PLEK: variants seen among roughly 807,000 people sequenced by gnomAD.
The protein encoded by PLEK is pleckstrin, also known as platelet 47 kDa protein.
In PLEK, 25 loss-of-function variants were observed where a neutral mutation model predicts 43.9. That is an observed-to-expected ratio of 0.57 (90% CI 0.41 to 0.79). The LOEUF (loss-of-function observed/expected upper bound fraction) is 0.79. Ranked by LOEUF, PLEK falls within the 30% of genes least tolerant of loss-of-function variation. PLEK has a pLI of 0.00. For missense variants in PLEK, 396 were observed against 413.3 expected (o/e 0.96, Z 0.36); for synonymous variants, 152 against 144.4 (o/e 1.05, Z -0.38).
chr2:68,381,011 C>T (rs1673603145), intron 3 of PLEK, 107 bp downstream of exon 3: 2 of 940,022 alleles, frequency 2.1e-6, no homozygotes, highest in South Asian at 3.1e-5. Flanking sequence ...TGTATCCACT[C>T]TGCCAGGTCA....
intron 8 of PLEK, among the ~76,000 whole-genome samples, chr2:68,395,311 A>C (rs983246245): frequency 6.6e-6 from 1 of 151,796 alleles, no homozygotes; most frequent in African/African-American, 2.4e-5. Flanking sequence ...GATTTATATT[A>C]TGAGCAGAGG....
At chr2:68,380,241 A>G (rs1673585154) in intron 1 of PLEK, 87 bp from the exon 2 acceptor site, 1 of 1,090,382 alleles carries the variant, frequency 9.2e-7, no homozygotes, top group Admixed American at 2.5e-5. Flanking sequence ...AACCAACTGT[A>G]AGTAAATATA....
chr2:68,395,655 T>C, intron 8 of PLEK, 25 bp from the exon 9 acceptor site: 1 of 1,613,896 alleles, frequency 6.2e-7, no homozygotes, highest in South Asian at 1.1e-5. Context: ...CTGTGCGTGC[T>C]GCCATTTGCC....
chr2:68,368,612 T>G (rs1673328962), intron 1 of PLEK, among the ~76,000 whole-genome samples: 1 of 152,232 alleles, frequency 6.6e-6, no homozygotes, highest in Non-Finnish European at 1.5e-5. Flanking sequence ...TCCTTTCCTC[T>G]CTGTTTAGGG....
chr2:68,377,914 G>C (rs115049854), intron 1 of PLEK, among the ~76,000 whole-genome samples: 1 of 152,074 alleles, frequency 6.6e-6, no homozygotes, highest in Admixed American at 6.5e-5. Context: ...AATTACCACC[G>C]TTCATTCCAC....
chr2:68,369,528 G>C (rs1005749291), intron 1 of PLEK, among the ~76,000 whole-genome samples: 3 of 148,504 alleles, frequency 2.0e-5, no homozygotes, highest in African/African-American at 7.5e-5. Context: ...TTGTTGCCCA[G>C]GCTGGAGTGC....
At position 68,382,568 on chromosome 2, in the gene PLEK, C is replaced by A; in HGVS notation, c.407C>A (p.Thr136Asn). ...LGALYLSMKD[T>N]EKGIKELNLE... ...GCCTTATATTTGTCCATGAAAGACA[C>A]TGAAAAAGGAATAAAAGAACTGAAT... Residue 136 changes from threonine (T) to asparagine (N), a missense_variant, in exon 4 of 9, where the codon ACT becomes AAT. Coordinates refer to ENST00000234313, the MANE Select transcript of PLEK (RefSeq NM_002664.3). 1 of 1,597,308 alleles carries A rather than the reference C, an allele frequency of 6.3e-7. No homozygotes were observed. The highest frequency in any genetic ancestry group is 8.6e-7 in the Non-Finnish European group (1 of 1,165,012).
chr2:68,387,051 GC>G (rs1673760621), intron 5 of PLEK, among the ~76,000 whole-genome samples: 1 of 152,104 alleles, frequency 6.6e-6, no homozygotes, highest in South Asian at 2.1e-4. Context: ...TGTCACCCAG[GC>G]TGGAGTGCAG....
intron 4 of PLEK, among the ~76,000 whole-genome samples, chr2:68,385,841 AACTG>A (rs1673730200): frequency 6.6e-6 from 1 of 152,212 alleles, no homozygotes; most frequent in Non-Finnish European, 1.5e-5. Flanking sequence ...GTAGTCTCGC[AACTG>A]ACTTATAGCA....
intron 7 of PLEK, 76 bp from the exon 8 acceptor site, chr2:68,394,031 C>A: frequency 4.1e-6 from 4 of 964,760 alleles, no homozygotes; most frequent in African/African-American, 1.6e-5. Context: ...GTGAGTCTGG[C>A]TTTTTCACCA....
intron 7 of PLEK, among the ~76,000 whole-genome samples, 172 bp from the exon 8 acceptor site, chr2:68,393,935 T>A (rs756964697): frequency 2.6e-5 from 4 of 152,164 alleles, no homozygotes; most frequent in Non-Finnish European, 4.4e-5. Context: ...GTGTGGAGGA[T>A]CTGGAAGGAC....
Position 68,386,670 on chromosome 2 carries a change from A to G in PLEK, c.641A>G (p.Asp214Gly), listed in dbSNP as rs1673750350. The change falls in exon 5 of 9, where the codon GAT becomes GGT. Residue 214 changes from aspartate to glycine, a missense_variant. Asp to Gly is a moderately conservative substitution (Grantham distance 94). Coordinates refer to ENST00000234313, the MANE Select transcript of PLEK (RefSeq NM_002664.3). The stretch of plus-strand genomic sequence containing the variant: ...GAAAACCCTTTCCTGGACAACCCTG[A>G]TGCCTTCTACTACTTTGTAAGAAAA... ...TAENPFLDNP[D>G]AFYYFPDSGF... The G allele has an allele frequency of 1.2e-6, 2 of 1,613,252 alleles. No individual in the cohort carries two copies. Among genetic ancestry groups the G allele is most frequent in the Non-Finnish European group, 1.7e-6 (2 of 1,179,330 alleles).
At chr2:68,372,112 T>C (rs943521999) in intron 1 of PLEK, among the ~76,000 whole-genome samples, 2 of 152,214 alleles carry the variant, frequency 1.3e-5, no homozygotes, top group Non-Finnish European at 1.5e-5. Context: ...CATATGATGA[T>C]ACAAATATCT....
intron 1 of PLEK, among the ~76,000 whole-genome samples, chr2:68,367,881 C>T (rs1033724866): frequency 6.6e-6 from 1 of 152,190 alleles, no homozygotes; most frequent in African/African-American, 2.4e-5. Flanking sequence ...TCACCTTTTT[C>T]TCTTATGCAG....
At chr2:68,395,583 A>G (rs1370167423) in intron 8 of PLEK, 97 bp from the exon 9 acceptor site, 1 of 1,314,362 alleles carries the variant, frequency 7.6e-7, no homozygotes. Context: ...TCCTTAGAAC[A>G]CGAAGAAAAC....
chr2:68,369,369 G>A (rs17035374), intron 1 of PLEK, among the ~76,000 whole-genome samples: 36,248 of 151,938 alleles, frequency 0.24, 5,767 homozygotes, highest in East Asian at 0.7. Flanking sequence ...TGTGGCCCTC[G>A]TGGGCTCGTA....
At chr2:68,384,196 C>G (rs978943332) in intron 4 of PLEK, among the ~76,000 whole-genome samples, 2 of 150,422 alleles carry the variant, frequency 1.3e-5, no homozygotes, top group Admixed American at 1.3e-4. Flanking sequence ...TCTCCTTCTC[C>G]TTCTCCTCCT....
intron 3 of PLEK, among the ~76,000 whole-genome samples, chr2:68,381,854 G>C (rs1011071140): frequency 6.6e-6 from 1 of 152,164 alleles, no homozygotes; most frequent in Non-Finnish European, 1.5e-5. Flanking sequence ...AGCTGCTGAT[G>C]GGGGCCATCG....
chr2:68,368,720 A>G (rs546773774), intron 1 of PLEK, among the ~76,000 whole-genome samples: 1 of 152,220 alleles, frequency 6.6e-6, no homozygotes, highest in Non-Finnish European at 1.5e-5. Flanking sequence ...ATGAGAGAAG[A>G]GCAAATTATA....
Sources: gnomAD v4.1 joint callset for allele counts (sites outside exome capture counted in the v4.1 genomes callset) on GRCh38, gnomAD v4.1.1 for gene constraint, MANE v1.5 for transcripts, NCBI Gene and HGNC (gene_info 2026-07-23, HGNC 2026-07-21) for gene names.